Variants in TJAP1 observed in about 807,000 individuals in gnomAD.
TJAP1 encodes tight junction-associated protein 1.
A neutral mutation model predicts 42.0 loss-of-function variants in TJAP1; 27 were observed. The ratio of observed to expected loss-of-function variants is 0.64; its 90% confidence interval spans 0.47 to 0.89. TJAP1 has a LOEUF of 0.89. Among genes scored for constraint, TJAP1 ranks in the 40% least tolerant of loss-of-function variants. The pLI, the probability that TJAP1 is intolerant of heterozygous loss-of-function variation, is 0.00. For synonymous variants in TJAP1, 257 were observed against 288.4 expected, an observed-to-expected ratio of 0.89 and a Z score of 1.10; for missense variants, 712 against 726.9, an observed-to-expected ratio of 0.98 and a Z score of 0.24.
intron 6 of TJAP1, among the ~76,000 whole-genome samples, 193 bp from the exon 7 acceptor site, chr6:43,502,090 T>TCC (rs2127627010): frequency 1.4e-5 from 2 of 148,066 alleles, no homozygotes; most frequent in Non-Finnish European, 3.0e-5. Flanking sequence ...TCTCTCTCTC[T>TCC]CTCTCTCTCT....
chr6:43,503,962 G>A (rs1305810824), intron 10 of TJAP1: 1 of 682,454 alleles, frequency 1.5e-6, no homozygotes, highest in Non-Finnish European at 2.8e-6. Context: ...TCCTGGGCAG[G>A]AAGGAGAGGG....
chr6:43,481,954 G>C (rs571233015), intron 2 of TJAP1, among the ~76,000 whole-genome samples: 1 of 152,316 alleles, frequency 6.6e-6, no homozygotes, highest in Non-Finnish European at 1.5e-5. Flanking sequence ...TGCGGGCTCA[G>C]GACTTTGGGC....
In TJAP1 at chr6:43,503,488, A is replaced by G. The variant is rs144142565; in HGVS notation, c.475A>G (p.Asn159Asp). The G allele has an allele frequency of 8.7e-6, 14 of 1,614,146 alleles. No individual in the cohort carries two copies. In the South Asian group the frequency reaches 1.4e-4, roughly 16 times the overall value. The change falls in exon 9 of 11, where the codon AAC becomes GAC. Residue 159 changes from asparagine (N) to aspartate (D), a missense_variant. Physicochemically the swap from Asn to Asp is conservative, Grantham distance 23. Coordinates refer to ENST00000372449, the Ensembl canonical transcript of TJAP1. ...GCTGCTGGATGCCAAGAACACCATC[A>G]ACAAGCTGGAAGAGCTCAATGTATG...
At chr6:43,501,008 A>G (rs1472092654) in intron 5 of TJAP1, 6 of 560,366 alleles carry the variant, frequency 1.1e-5, no homozygotes, top group Non-Finnish European at 1.6e-5. Context: ...AATGGCTCTG[A>G]GGGCCCTGCT....
At chr6:43,489,851 C>G (rs1787418041) in intron 2 of TJAP1, 1 of 152,242 alleles carries the variant, frequency 6.6e-6, no homozygotes, top group South Asian at 2.1e-4. Flanking sequence ...TGCAGTGTGT[C>G]CCCTTGGGCA....
At position 43,492,341 on chromosome 6, in the gene TJAP1, GTAC is replaced by G. The variant is rs1787995250; in HGVS notation, c.-121-5538_-121-5536del. Among the ~76,000 whole-genome samples, 1 of 152,184 alleles carries G rather than the reference GTAC, an allele frequency of 6.6e-6. No homozygotes were observed. The highest frequency in any genetic ancestry group is 1.5e-5 in the Non-Finnish European group (1 of 68,032). Reference sequence around the variant, plus strand: ...CAACTTGTCCCAAGAGGGTGAGGTTGTACTTGCCCAGAGGGGTGGCGGGCATAG... The same window carrying G: ...CAACTTGTCCCAAGAGGGTGAGGTTGTTGCCCAGAGGGGTGGCGGGCATAG... On this transcript the variant is annotated intron_variant, in intron 2 of 10. Coordinates refer to ENST00000372449, the Ensembl canonical transcript of TJAP1. The surrounding 1 kb of genome is among the most constrained non-coding windows in gnomAD (Gnocchi z 4.2).
intron 2 of TJAP1, among the ~76,000 whole-genome samples, chr6:43,480,239 T>C (rs1330601059): frequency 2.6e-5 from 4 of 152,008 alleles, no homozygotes; most frequent in African/African-American, 9.7e-5. Flanking sequence ...GCTGTCTCTT[T>C]ATATAGATAG....
At chr6:43,483,703 C>G (rs573618557) in intron 2 of TJAP1, among the ~76,000 whole-genome samples, 4 of 152,184 alleles carry the variant, frequency 2.6e-5, no homozygotes, top group Non-Finnish European at 4.4e-5. Context: ...CTGCCACTCA[C>G]CACCTGTGCA....
chr6:43,479,990 CAA>C (rs879342376), intron 2 of TJAP1, among the ~76,000 whole-genome samples: 3 of 142,580 alleles, frequency 2.1e-5, no homozygotes, highest in Non-Finnish European at 3.1e-5. Context: ...AAAGCGTCTC[CAA>C]AAAAAAAAAG....
chr6:43,498,963 C>T lies in TJAP1; in HGVS notation c.-24-15C>T, dbSNP rs769243068. 47 of 1,609,872 alleles carry T rather than the reference C, an allele frequency of 2.9e-5. No individual in the cohort carries two copies. The highest frequency in any genetic ancestry group is 4.0e-5 in the African/African-American group (3 of 74,910). On this transcript the variant is annotated splice_polypyrimidine_tract_variant and intron_variant, in intron 3 of 10. Transcript: ENST00000372449. Reference sequence around the variant, plus strand: ...GCCACATCTCTGAGCCTGCCTCCTTCTTGCTTCTCAGCAGGCGGAGGAGCC... The same window carrying T: ...GCCACATCTCTGAGCCTGCCTCCTTTTTGCTTCTCAGCAGGCGGAGGAGCC...
chr6:43,498,260 A>G (rs1373712413), intron 3 of TJAP1, among the ~76,000 whole-genome samples: 1 of 152,174 alleles, frequency 6.6e-6, no homozygotes, highest in Non-Finnish European at 1.5e-5. Flanking sequence ...CTTCCCAACA[A>G]CCCTATGAAT....
At chr6:43,485,199 A>G (rs1232585723) in intron 2 of TJAP1, among the ~76,000 whole-genome samples, 2 of 152,212 alleles carry the variant, frequency 1.3e-5, no homozygotes, top group South Asian at 2.1e-4. Context: ...ATGTTTCCCC[A>G]TATTTTATGG....
intron 4 of TJAP1, among the ~76,000 whole-genome samples, chr6:43,500,159 C>G (rs1481560945): frequency 6.6e-6 from 1 of 152,178 alleles, no homozygotes; most frequent in Admixed American, 6.5e-5. Context: ...GAACTTGACT[C>G]TTGAGCCATG....
chr6:43,490,789 C>T (rs1317097325), intron 2 of TJAP1, among the ~76,000 whole-genome samples: 1 of 152,018 alleles, frequency 6.6e-6, no homozygotes, highest in Non-Finnish European at 1.5e-5. Flanking sequence ...AAGGGTGCCT[C>T]AGTAGAGTGG....
chr6:43,504,264 A>G (rs1381653172), intron 10 of TJAP1: 4 of 224,818 alleles, frequency 1.8e-5, no homozygotes, highest in South Asian at 6.5e-5. Context: ...ATAGGCGCCC[A>G]CCACCACGCC....
chr6:43,501,887 G>A (rs567250678), intron 6 of TJAP1, among the ~76,000 whole-genome samples, 200 bp downstream of exon 6: 1 of 117,128 alleles, frequency 8.5e-6, no homozygotes, highest in Admixed American at 9.2e-5. Flanking sequence ...GTGGGAATGC[G>A]GGGCCACACA....
exon 10 of TJAP1, chr6:43,503,642 G>GCAACCTGGCTGTACAGCTCCT: frequency 6.2e-7 from 1 of 1,614,126 alleles, no homozygotes; most frequent in Non-Finnish European, 8.5e-7. Context: ...CGGCTGGACT[G>GCAACCTGGCTGTACAGCTCCT]CAACCTGGCT....
At chr6:43,498,496 G>A (rs1198075226) in intron 3 of TJAP1, among the ~76,000 whole-genome samples, 1 of 152,194 alleles carries the variant, frequency 6.6e-6, no homozygotes, top group Non-Finnish European at 1.5e-5. Context: ...GCTGCAGTGA[G>A]CCAAGATTGC....
At chr6:43,497,998 G>C (rs1789600692) in intron 3 of TJAP1, 21 bp downstream of exon 3, 1 of 152,332 alleles carries the variant, frequency 6.6e-6, no homozygotes, top group Non-Finnish European at 1.5e-5. Context: ...GATGAGGCCT[G>C]TGCCCTCAGC....
Sources: gnomAD v4.1 joint callset for allele counts (sites outside exome capture counted in the v4.1 genomes callset) on GRCh38, gnomAD v4.1.1 for gene constraint, Gnocchi (gnomAD v3.1) non-coding constraint, MANE v1.5 for transcripts, NCBI Gene and HGNC (gene_info 2026-07-23, HGNC 2026-07-21) for gene names.